The following DLG2 variants were observed in gnomAD, a reference collection of about 807,000 sequenced individuals.
DLG2 encodes disks large homolog 2.
DLG2 carries 45 observed loss-of-function variants against 132.5 expected under a neutral mutation model. The observed-to-expected ratio is 0.34, with a 90% confidence interval of 0.27 to 0.44. The LOEUF (loss-of-function observed/expected upper bound fraction) is 0.44, where lower values mean the gene tolerates loss of function less well. DLG2 is among the 20% of genes least tolerant of loss of function. The pLI, the probability that DLG2 is intolerant of heterozygous loss-of-function variation, is 1.00. For synonymous variants in DLG2, 424 were observed against 419.6 expected (o/e 1.01, Z -0.13); for missense variants, 1,045 against 1,196.9 (o/e 0.87, Z 1.87).
intron 8 of DLG2, among the ~76,000 whole-genome samples, chr11:84,210,310 A>G (rs2096735040): frequency 6.7e-6 from 1 of 149,824 alleles, no homozygotes; most frequent in South Asian, 2.1e-4. Flanking sequence ...TAATTAATTA[A>G]AACATATGTC....
intron 18 of DLG2, among the ~76,000 whole-genome samples, chr11:83,766,538 C>T (rs913894833): frequency 2.6e-5 from 4 of 151,744 alleles, no homozygotes; most frequent in Non-Finnish European, 5.9e-5. Flanking sequence ...AGATTGTGTG[C>T]CTTTAATTAT....
intron 5 of DLG2, among the ~76,000 whole-genome samples, chr11:85,124,374 C>T (rs2074809178): frequency 6.6e-6 from 1 of 152,214 alleles, no homozygotes; most frequent in African/African-American, 2.4e-5. Flanking sequence ...CCAATTTATG[C>T]TAGGATATCT....
chr11:85,521,853 T>C (rs2074337533), intron 3 of DLG2, among the ~76,000 whole-genome samples: 1 of 152,070 alleles, frequency 6.6e-6, no homozygotes. Context: ...ATTTAGGATA[T>C]CTGGCAGAAC....
intron 6 of DLG2, among the ~76,000 whole-genome samples, chr11:85,078,521 T>TA (rs1358853140): frequency 1.3e-5 from 2 of 151,942 alleles, no homozygotes; most frequent in African/African-American, 4.8e-5. Context: ...TTGAGATGTG[T>TA]AGGCAACAAT....
intron 3 of DLG2, among the ~76,000 whole-genome samples, chr11:85,512,625 G>A (rs1332693912): frequency 2.6e-5 from 4 of 152,024 alleles, no homozygotes; most frequent in Non-Finnish European, 5.9e-5. Flanking sequence ...TTCTTGCTCA[G>A]TGTGATACAT....
intron 17 of DLG2, among the ~76,000 whole-genome samples, chr11:83,827,228 C>A (rs2040312): frequency 0.72 from 110,124 of 151,976 alleles, 41,279 homozygotes; most frequent in African/African-American, 0.92. Flanking sequence ...ACAACACCAG[C>A]AGAGATTTAG....
chr11:85,223,161 A>G (rs2074763631), intron 4 of DLG2, among the ~76,000 whole-genome samples: 1 of 152,218 alleles, frequency 6.6e-6, no homozygotes, highest in Non-Finnish European at 1.5e-5. Context: ...ATAATCTATT[A>G]AAAGTAGCTC....
chr11:85,555,924 A>G (rs1288433794), intron 3 of DLG2, among the ~76,000 whole-genome samples: 1 of 151,856 alleles, frequency 6.6e-6, no homozygotes, highest in Admixed American at 6.6e-5. Flanking sequence ...TGCCCTGGGA[A>G]GAAGGTATTT....
At chr11:85,457,069 T>G (rs190806918) in intron 3 of DLG2, among the ~76,000 whole-genome samples, 1 of 152,310 alleles carries the variant, frequency 6.6e-6, no homozygotes, top group African/African-American at 2.4e-5. Context: ...AATCTAGGTC[T>G]CTGAGAAATT....
chr11:85,253,241 C>T (rs2076487917), intron 4 of DLG2, among the ~76,000 whole-genome samples: 1 of 152,178 alleles, frequency 6.6e-6, no homozygotes. Context: ...CCCAAAAATT[C>T]TACTCCCAGG....
intron 6 of DLG2, among the ~76,000 whole-genome samples, chr11:84,860,941 C>G (rs997231447): frequency 2.0e-5 from 3 of 151,860 alleles, no homozygotes; most frequent in Admixed American, 2.0e-4. Flanking sequence ...AGAACATGCA[C>G]TTATTTTTTT....
chr11:85,242,587 C>T lies in DLG2; in HGVS notation c.186+42633G>A, dbSNP rs2075941297. 2.0e-5 allele frequency among the ~76,000 whole-genome samples: 3 copies of T among 151,754 alleles called. No homozygotes were observed. The Admixed American group carries it at 2.0e-4, about 10-fold the overall frequency. ...TCTGCTTCCTCCTGGAGGAATTTCT[C>T]TTTGCTTTCAACAACCTAATCCATT... is the stretch of plus-strand genomic sequence containing the variant. On this transcript the variant is annotated intron_variant, in intron 4 of 27. Transcript: ENST00000376104.
At chr11:85,470,866 A>T (rs761758878) in intron 3 of DLG2, among the ~76,000 whole-genome samples, 1 of 152,230 alleles carries the variant, frequency 6.6e-6, no homozygotes, top group Non-Finnish European at 1.5e-5. Context: ...CTTTTTAGAG[A>T]TATACCTTCC....
rs370808991 is a variant in DLG2 at position 85,403,712 on chromosome 11, A to T, written c.41-118347T>A. ...GAGTGGAAACCAACAGAAATCTTTA[A>T]GCAGGATGATGGCATGAGCCTCTTT... On this transcript the variant is annotated intron_variant, in intron 3 of 27. Coordinates refer to ENST00000376104, the MANE Select transcript of DLG2 (RefSeq NM_001142699.3). 2.8e-4 allele frequency among the ~76,000 whole-genome samples: 43 copies of T among 152,054 alleles called. No homozygotes were observed. The South Asian group carries it at 8.9e-3, about 32-fold the overall frequency.
intron 6 of DLG2, among the ~76,000 whole-genome samples, chr11:85,028,852 A>T (rs12288271): frequency 0.1 from 15,318 of 152,062 alleles, 1,056 homozygotes; most frequent in Middle Eastern, 0.15. Flanking sequence ...CAACTCTGAA[A>T]AGGGCTGGGC....
At chr11:84,734,946 A>T (rs1240749546) in intron 6 of DLG2, among the ~76,000 whole-genome samples, 1 of 151,984 alleles carries the variant, frequency 6.6e-6, no homozygotes, top group Admixed American at 6.6e-5. Context: ...ATGTTTATTG[A>T]TTTGCGTATG....
chr11:84,735,723 G>C (rs1246295579), intron 6 of DLG2, among the ~76,000 whole-genome samples: 1 of 151,994 alleles, frequency 6.6e-6, no homozygotes, highest in Non-Finnish European at 1.5e-5. Flanking sequence ...TTTTAGTTGT[G>C]ATGTTAGGGT....
At chr11:84,472,118 A>T (rs1301721487) in intron 7 of DLG2, among the ~76,000 whole-genome samples, 2 of 151,910 alleles carry the variant, frequency 1.3e-5, no homozygotes, top group Middle Eastern at 3.2e-3. Flanking sequence ...AAATATTTAG[A>T]ATAAGCTATC....
intron 2 of DLG2, among the ~76,000 whole-genome samples, chr11:85,623,899 C>G (rs1042019920): frequency 1.3e-5 from 2 of 152,208 alleles, no homozygotes; most frequent in Admixed American, 6.5e-5. Context: ...TTATAACACA[C>G]TATGGTCTTG....
Sources: gnomAD v4.1 joint callset for allele counts (sites outside exome capture counted in the v4.1 genomes callset) on GRCh38, gnomAD v4.1.1 for gene constraint, MANE v1.5 for transcripts, NCBI Gene and HGNC (gene_info 2026-07-23, HGNC 2026-07-21) for gene names.